Variants in WWOX observed in about 807,000 individuals in gnomAD.
WWOX encodes the protein WW domain containing oxidoreductase.
Under a neutral mutation model 46.2 loss-of-function variants are expected in WWOX, and 69 were observed. That is an observed-to-expected ratio of 1.49 (90% CI 1.23 to 1.82). The LOEUF (loss-of-function observed/expected upper bound fraction) is 1.82. WWOX is among the 40% of genes most tolerant of loss of function. WWOX has a pLI of 0.00. For synonymous variants in WWOX, 359 were observed against 202.6 expected (o/e 1.77, Z -6.56); for missense variants, 919 against 542.6 (o/e 1.69, Z -6.89).
chr16:78,618,712 C>CTTGT (rs1239605095), intron 8 of WWOX, among the ~76,000 whole-genome samples: 1 of 151,990 alleles, frequency 6.6e-6, no homozygotes, highest in Non-Finnish European at 1.5e-5. Context: ...TGCTTTCTTC[C>CTTGT]TTGTAATATG....
chr16:78,354,744 A>G (rs1030625268), intron 5 of WWOX, among the ~76,000 whole-genome samples: 1 of 151,864 alleles, frequency 6.6e-6, no homozygotes, highest in Non-Finnish European at 1.5e-5. Flanking sequence ...ATTCTGTTAA[A>G]TTTTGTTTTC....
At chr16:78,492,345 C>T (rs2084805192) in intron 8 of WWOX, among the ~76,000 whole-genome samples, 2 of 152,166 alleles carry the variant, frequency 1.3e-5, no homozygotes, top group Admixed American at 1.3e-4. Flanking sequence ...GGTAAGTTGA[C>T]CCATGACATC....
rs991949577 is a variant in WWOX, at chr16:78,341,758, A to G, written c.517-45102A>G. On this transcript the variant is annotated intron_variant, in intron 5 of 8. Transcript: ENST00000566780. ...GTCAGTGTTGCTGAGGGATGTGGAC[A>G]TGTCTGAGGCCAAATAGATGAGTCC... 8.3e-5 allele frequency among the ~76,000 whole-genome samples: 10 copies of G among 120,900 alleles called. 4 individuals carry two copies. Among genetic ancestry groups the G allele is most frequent in the Non-Finnish European group, 2.0e-4 (10 of 50,496 alleles). The allele number at this position is 120,900 out of a possible 152,430, so 79.3% of individuals were successfully genotyped here.
chr16:78,982,963 G>A (rs2046712049), intron 8 of WWOX, among the ~76,000 whole-genome samples: 1 of 152,158 alleles, frequency 6.6e-6, no homozygotes, highest in Admixed American at 6.5e-5. Context: ...TGTTTGCAAT[G>A]GGAGAAGCAG....
chr16:79,187,441 C>T (rs1463619273), intron 8 of WWOX, among the ~76,000 whole-genome samples: 2 of 152,164 alleles, frequency 1.3e-5, no homozygotes, highest in African/African-American at 4.8e-5. Context: ...CGCTCTGTCA[C>T]CCAGGCTGGA....
intron 8 of WWOX, among the ~76,000 whole-genome samples, chr16:78,863,533 C>T (rs1390030544): frequency 4.6e-5 from 7 of 152,158 alleles, no homozygotes; most frequent in Non-Finnish European, 5.9e-5. Context: ...TCAAAACCAT[C>T]AGTAGTCCTC....
intron 8 of WWOX, among the ~76,000 whole-genome samples, chr16:78,947,347 C>T (rs1221451307): frequency 6.6e-6 from 1 of 151,468 alleles, no homozygotes; most frequent in Admixed American, 6.6e-5. Context: ...TTTTTTAAGC[C>T]CCTAGCTGCA....
chr16:78,323,328 A>G (rs1424597514), intron 5 of WWOX, among the ~76,000 whole-genome samples: 1 of 151,998 alleles, frequency 6.6e-6, no homozygotes, highest in African/African-American at 2.4e-5. Context: ...GATGGTCTCG[A>G]TCTCCTGACC....
chr16:78,653,234 T>C (rs1284913273), intron 8 of WWOX, among the ~76,000 whole-genome samples: 4 of 152,224 alleles, frequency 2.6e-5, no homozygotes, highest in African/African-American at 7.2e-5. Flanking sequence ...GATTACACCA[T>C]GTAAATGAAT....
chr16:78,865,207 T>C (rs1024619974), intron 8 of WWOX, among the ~76,000 whole-genome samples: 4 of 152,238 alleles, frequency 2.6e-5, no homozygotes, highest in African/African-American at 9.6e-5. Flanking sequence ...TTTAAGAGAA[T>C]GATTTAGGAT....
In WWOX at chr16:78,116,714, C is replaced by T. The variant is rs536056122; in HGVS notation, c.409+1560C>T. Among the ~76,000 whole-genome samples, 4 of 152,262 alleles carry T rather than the reference C, an allele frequency of 2.6e-5. No individual in the cohort carries two copies. The South Asian group carries it at 6.2e-4, about 24-fold the overall frequency. ...TACTGTTACAGTGAATGCATGGACC[C>T]ATACAATTGTGGAATAATTAAGAAA... On this transcript the variant is annotated intron_variant, in intron 4 of 8. Transcript: ENST00000566780.
intron 8 of WWOX, among the ~76,000 whole-genome samples, chr16:78,947,821 T>C (rs576181956): frequency 6.6e-6 from 1 of 152,126 alleles, no homozygotes; most frequent in Non-Finnish European, 1.5e-5. Context: ...AGCCAAAATA[T>C]GTATAGGAGA....
intron 8 of WWOX, chr16:79,204,025 C>G (rs1038066930): frequency 3.9e-5 from 6 of 152,106 alleles, no homozygotes; most frequent in African/African-American, 1.4e-4. Flanking sequence ...CAGTGACATG[C>G]CATCAGATTT....
At chr16:78,356,099 A>C (rs1041383307) in intron 5 of WWOX, among the ~76,000 whole-genome samples, 1 of 65,032 alleles carries the variant, frequency 1.5e-5, no homozygotes, top group Non-Finnish European at 3.5e-5. Context: ...AAAAAGAAGA[A>C]TCGATTGAAC....
chr16:78,111,722 C>T (rs1196165182), intron 3 of WWOX: 1 of 155,678 alleles, frequency 6.4e-6, no homozygotes, highest in African/African-American at 2.4e-5. Flanking sequence ...TGTCCGCTTT[C>T]ATGCTCCTCC....
At chr16:78,735,394 AACACACACACACACACACAC>A (rs35975130) in intron 8 of WWOX, among the ~76,000 whole-genome samples, 1 of 121,276 alleles carries the variant, frequency 8.2e-6, no homozygotes, top group Admixed American at 7.7e-5. Context: ...ACCACACACA[AACACACACACACACACACAC>A]ACACACACAC....
At chr16:79,060,885 A>C (rs1342265431) in intron 8 of WWOX, among the ~76,000 whole-genome samples, 4 of 152,332 alleles carry the variant, frequency 2.6e-5, no homozygotes, top group Admixed American at 1.3e-4. Context: ...ATTGTATGCC[A>C]TGGGCCATTC....
chr16:78,456,709 A>G (rs1469734484), intron 8 of WWOX, among the ~76,000 whole-genome samples: 1 of 152,252 alleles, frequency 6.6e-6, no homozygotes, highest in Non-Finnish European at 1.5e-5. Flanking sequence ...GACAGATTCT[A>G]AGAAGAGAAA....
chr16:78,878,089 A>C (rs2151211365), intron 8 of WWOX, among the ~76,000 whole-genome samples: 1 of 152,250 alleles, frequency 6.6e-6, no homozygotes, highest in South Asian at 2.1e-4. Context: ...CATAACTAGT[A>C]CTGGCTCAGT....
Sources: allele counts gnomAD v4.1 joint callset (sites outside exome capture counted in the v4.1 genomes callset), GRCh38; gene constraint gnomAD v4.1.1; transcripts MANE v1.5; gene names NCBI Gene and HGNC (gene_info 2026-07-23, HGNC 2026-07-21).